The following AFP variants were observed in gnomAD, a reference collection of about 807,000 sequenced individuals.
AFP encodes the protein alpha-fetoprotein.
In AFP, 64 loss-of-function variants were observed where a neutral mutation model predicts 78.9. The ratio of observed to expected loss-of-function variants is 0.81; its 90% confidence interval spans 0.66 to 1.00. AFP has a LOEUF of 1.00. AFP is among the 50% of genes least tolerant of loss of function. The pLI, the probability that AFP is intolerant of heterozygous loss-of-function variation, is 0.00. For synonymous variants in AFP, 254 were observed against 243.8 expected (o/e 1.04, Z -0.39); for missense variants, 689 against 703.8 (o/e 0.98, Z 0.24).
In AFP at chr4:73,445,032, T is replaced by A; in HGVS notation, c.753T>A (p.Asn251Lys). 1.2e-6 allele frequency: 2 copies of A among 1,613,424 alleles called. No individual in the cohort carries two copies. The highest frequency in any genetic ancestry group is 8.5e-7 in the Non-Finnish European group (1 of 1,179,504). Residue 251 changes from asparagine (N) to lysine (K), a missense_variant, in exon 7 of 15, where the codon AAT (asparagine) becomes AAA (lysine). By Grantham distance (94) the Asn-to-Lys change is moderately conservative. Coordinates refer to ENST00000395792, the MANE Select transcript of AFP (RefSeq NM_001134.3). ...TKLSQKFTKVNFTEIQKLVLD... is the reference protein window; with the variant it reads ...TKLSQKFTKVKFTEIQKLVLD... ...TGAGTCAGAAGTTTACCAAAGTTAATTTTACTGAAATCCAGAAACTAGTCC... is the reference window on the plus strand; with the variant it reads ...TGAGTCAGAAGTTTACCAAAGTTAAATTTACTGAAATCCAGAAACTAGTCC...
At chr4:73,443,315 C>A in intron 5 of AFP, 32 bp from the exon 6 acceptor site, 1 of 1,499,350 alleles carries the variant, frequency 6.7e-7, no homozygotes, top group Non-Finnish European at 9.3e-7. Context: ...TTAGTATATG[C>A]TTTCATGACA....
At position 73,456,063 on chromosome 4, in the gene AFP, T is replaced by C. The variant is rs75738725; in HGVS notation, c.*443T>C. The C allele has an allele frequency of 2.3e-3, 372 of 161,310 alleles. 14 individuals carry two copies. In the East Asian group the frequency reaches 0.064, roughly 28 times the overall value. The allele number at this position is 161,310 out of a possible 1,614,324, so 10.0% of individuals were successfully genotyped here. On this transcript the variant is annotated 3_prime_UTR_variant, in exon 15 of 15. Coordinates refer to ENST00000395792, the MANE Select transcript of AFP (RefSeq NM_001134.3). ...ATGAGAAAAGAAATTATTATTCTTC[T>C]ATGGGATCTAAGAAAATTTAACATC... is the stretch of plus-strand genomic sequence containing the variant.
At chr4:73,443,268 GT>G in intron 5 of AFP, 78 bp from the exon 6 acceptor site, 1 of 1,084,300 alleles carries the variant, frequency 9.2e-7, no homozygotes, top group East Asian at 2.4e-5. Context: ...ACCTATACTT[GT>G]TGTTTTTCTA....
chr4:73,445,205 T>C, intron 7 of AFP, 83 bp downstream of exon 7: 1 of 1,533,164 alleles, frequency 6.5e-7, no homozygotes, highest in Non-Finnish European at 9.0e-7. Flanking sequence ...AGAAGGTTGT[T>C]TGACTTGAAT....
chr4:73,442,149 C>T, intron 4 of AFP, 147 bp from the exon 5 acceptor site: 2 of 839,496 alleles, frequency 2.4e-6, no homozygotes, highest in South Asian at 1.7e-5. Flanking sequence ...GATGATTTTC[C>T]CCTTAGGAAC....
chr4:73,444,890 G>C, intron 6 of AFP, 103 bp from the exon 7 acceptor site: 1 of 1,032,816 alleles, frequency 9.7e-7, no homozygotes, highest in Non-Finnish European at 1.4e-6. Context: ...GGGAATTTCA[G>C]TCATTTCTCT....
chr4:73,445,068 C>T lies in AFP; in HGVS notation c.789C>T (p.Ala263=). Residue 263 remains alanine (A), a synonymous_variant, in exon 7 of 15, where the codon GCC becomes GCT. Transcript: ENST00000395792. Reference sequence around the variant, plus strand: ...TCCAGAAACTAGTCCTGGATGTGGCCCATGTACATGAGCACTGTTGCAGAG... The same window carrying T: ...TCCAGAAACTAGTCCTGGATGTGGCTCATGTACATGAGCACTGTTGCAGAG... ...TEIQKLVLDV[A]HVHEHCCRGD... 5 of 1,613,716 alleles carry T rather than the reference C, an allele frequency of 3.1e-6. No homozygotes were observed. The highest frequency in any genetic ancestry group is 4.2e-6 in the Non-Finnish European group (5 of 1,179,808).
chr4:73,449,462 AAAG>A lies in AFP; in HGVS notation c.1187_1189del (p.Lys396_Gly397delinsArg). The A allele has an allele frequency of 6.2e-7, 1 of 1,613,536 alleles. No homozygotes were observed. On this transcript the variant is annotated inframe_deletion and splice_region_variant, in exon 9 of 15. Transcript: ENST00000395792. ...TGAAAACCCTCTTGAATGCCAAGAT[AAAG>A]GAGTAAGTTGCTCTAGAATTTTAGG... is the stretch of plus-strand genomic sequence containing the variant.
intron 11 of AFP, among the ~76,000 whole-genome samples, chr4:73,451,215 C>T (rs1206559436): frequency 6.6e-6 from 1 of 152,110 alleles, no homozygotes; most frequent in African/African-American, 2.4e-5. Flanking sequence ...ATTATGACAT[C>T]AGGAATAATT....
At chr4:73,449,979 A>G (rs558453824) in intron 9 of AFP, 57 bp from the exon 10 acceptor site, 50 of 1,138,428 alleles carry the variant, frequency 4.4e-5, no homozygotes, top group Non-Finnish European at 6.4e-5. Context: ...AATTTTATAT[A>G]CAAAGTTATG....
chr4:73,445,503 A>G (rs1016083796), intron 7 of AFP, among the ~76,000 whole-genome samples: 4 of 152,214 alleles, frequency 2.6e-5, no homozygotes, highest in Non-Finnish European at 5.9e-5. Flanking sequence ...TCTATCTGCT[A>G]GCCACTATGA....
chr4:73,444,851 A>T (rs1577954856), intron 6 of AFP, 142 bp from the exon 7 acceptor site: 1 of 748,686 alleles, frequency 1.3e-6, no homozygotes, highest in Non-Finnish European at 2.1e-6. Flanking sequence ...AAGCCTTAAA[A>T]CATGTTTCCT....
chr4:73,453,168 C>T (rs545490126), intron 12 of AFP, among the ~76,000 whole-genome samples: 21 of 152,178 alleles, frequency 1.4e-4, no homozygotes, highest in Non-Finnish European at 2.9e-4. Flanking sequence ...TTTTAATCCT[C>T]ACTTGTTTTG....
chr4:73,454,710 T>C (rs901580103), intron 13 of AFP, among the ~76,000 whole-genome samples: 2 of 152,154 alleles, frequency 1.3e-5, no homozygotes, highest in Non-Finnish European at 2.9e-5. Context: ...ATGTAGAGTT[T>C]TTCTATAAAT....
At chr4:73,438,687 G>C (rs1336480838) in intron 3 of AFP, among the ~76,000 whole-genome samples, 1 of 152,014 alleles carries the variant, frequency 6.6e-6, no homozygotes, top group Non-Finnish European at 1.5e-5. Context: ...CACACAATGT[G>C]ACTGGCATTA....
rs200267486 is a variant in AFP, at chr4:73,443,443, A to C, written c.712A>C (p.Ile238Leu). Residue 238 changes from isoleucine (I) to leucine (L), a missense_variant and splice_region_variant, in exon 6 of 15, where the codon ATA (isoleucine) becomes CTA (leucine). Physicochemically the swap from Ile to Leu is conservative, Grantham distance 5. Transcript: ENST00000395792. ...KNFGTRTFQA[I>L]TVTKLSQKFT... ...TTTTGGGACCCGAACTTTCCAAGCC[A>C]TGTAAGTTCAAGTTCTATCTAGGGA... The C allele has an allele frequency of 1.1e-4, 171 of 1,601,088 alleles. 1 individual carries two copies. The highest frequency in any genetic ancestry group is 1.7e-4 in the Middle Eastern group (1 of 6,060).
chr4:73,452,219 A>G (rs1363382747), intron 11 of AFP, among the ~76,000 whole-genome samples, 182 bp from the exon 12 acceptor site: 3 of 152,196 alleles, frequency 2.0e-5, no homozygotes, highest in Admixed American at 1.3e-4. Flanking sequence ...TAGCCCAAAC[A>G]AATGGGTAAA....
intron 3 of AFP, among the ~76,000 whole-genome samples, chr4:73,439,720 G>A (rs1380687881): frequency 6.6e-6 from 1 of 152,082 alleles, no homozygotes; most frequent in Admixed American, 6.6e-5. Context: ...AGTTTGGTAA[G>A]GGTAAGTCAC....
chr4:73,447,662 T>A lies in AFP; in HGVS notation c.1044T>A (p.Asn348Lys). Residue 348 changes from asparagine to lysine, a missense_variant, in exon 8 of 15, where the codon AAT becomes AAA. Coordinates refer to ENST00000395792, the MANE Select transcript of AFP (RefSeq NM_001134.3). The part of the protein sequence containing the change: ...DFNQFSSGEK[N>K]IFLASFVHEY... ...ACCAATTTTCTTCAGGGGAAAAAAA[T>A]ATCTTCTTGGCAAGGTAACACACTC... 1 of 1,609,744 alleles carries A rather than the reference T, an allele frequency of 6.2e-7. No individual in the cohort carries two copies. The highest frequency in any genetic ancestry group is 8.5e-7 in the Non-Finnish European group (1 of 1,178,040).
Sources: gnomAD v4.1 joint callset for allele counts (sites outside exome capture counted in the v4.1 genomes callset) on GRCh38, gnomAD v4.1.1 for gene constraint, MANE v1.5 for transcripts, NCBI Gene and HGNC (gene_info 2026-07-23, HGNC 2026-07-21) for gene names.